Variants in VAPB observed in about 807,000 individuals in gnomAD.
The protein encoded by VAPB is vesicle-associated membrane protein-associated protein B/C.
In VAPB, 7 loss-of-function variants were observed where a neutral mutation model predicts 25.6. That is an observed-to-expected ratio of 0.27 (90% CI 0.16 to 0.51). VAPB has a LOEUF of 0.51. Ranked by LOEUF, VAPB falls within the 20% of genes least tolerant of loss-of-function variation. The pLI, the probability that VAPB is intolerant of heterozygous loss-of-function variation, is 0.97. For synonymous variants in VAPB, 112 were observed against 109.2 expected, an observed-to-expected ratio of 1.03 and a Z score of -0.16; for missense variants, 266 against 301.3, an observed-to-expected ratio of 0.88 and a Z score of 0.87.
At chr20:58,440,724 C>A (rs1173824910) in intron 4 of VAPB, 183 bp from the exon 5 acceptor site, 3 of 559,816 alleles carry the variant, frequency 5.4e-6, no homozygotes, top group African/African-American at 1.9e-5. Flanking sequence ...TTTCTAGGGC[C>A]CTGTTGCTTT....
chr20:58,406,295 A>C (rs1344438902), intron 1 of VAPB, among the ~76,000 whole-genome samples: 2 of 152,232 alleles, frequency 1.3e-5, no homozygotes, highest in African/African-American at 4.8e-5. Flanking sequence ...CCAAAAGAGA[A>C]GACGTTTGAG....
rs551260354 is a variant in VAPB at position 58,447,236 on chromosome 20, T to G, written c.*3001T>G. On this transcript the variant is annotated 3_prime_UTR_variant, in exon 6 of 6. Transcript: ENST00000475243. ...TGATTGAAGTTTTAAATTGGTAACT[T>G]AAGCTTCCTTGGCACGATACAAAAT... is the stretch of plus-strand genomic sequence containing the variant. The G allele has an allele frequency of 4.1e-4, 184 of 454,146 alleles. No individual in the cohort carries two copies. Among genetic ancestry groups the G allele is most frequent in the Non-Finnish European group, 7.4e-4 (168 of 226,784 alleles). 28.1% of individuals were successfully genotyped at this position (454,146 alleles called of 1,614,324 possible). A position where few individuals can be genotyped will look rare whatever the true frequency, so the allele number is the denominator to read the frequency against.
At chr20:58,427,940 T>A (rs960232577) in intron 2 of VAPB, among the ~76,000 whole-genome samples, 14 of 148,428 alleles carry the variant, frequency 9.4e-5, no homozygotes, top group Admixed American at 9.3e-4. Flanking sequence ...CTGTGATCTG[T>A]TACCATTATG....
intron 1 of VAPB, among the ~76,000 whole-genome samples, chr20:58,409,518 T>C (rs1988321493): frequency 6.6e-6 from 1 of 152,174 alleles, no homozygotes; most frequent in Non-Finnish European, 1.5e-5. Context: ...GACAGATTAT[T>C]ACCTTCCCAG....
intron 2 of VAPB, among the ~76,000 whole-genome samples, chr20:58,431,714 C>A (rs1339585558): frequency 6.6e-6 from 1 of 152,118 alleles, no homozygotes; most frequent in Non-Finnish European, 1.5e-5. Context: ...GTAGCTGGGA[C>A]TATAGGCTAC....
At position 58,432,050 on chromosome 20, in the gene VAPB, A is replaced by G. The variant is rs377371484; in HGVS notation, c.212-2552A>G. ...TTGGGGATGAAGAAGCTGAGGGATG[A>G]TGGAGAAATGGAAAGGAAGGACCTG... On this transcript the variant is annotated intron_variant, in intron 2 of 5. Transcript: ENST00000475243. Among the ~76,000 whole-genome samples, 8 of 152,190 alleles carry G rather than the reference A, an allele frequency of 5.3e-5. No individual in the cohort carries two copies. In the East Asian group the frequency reaches 1.4e-3, roughly 26 times the overall value.
chr20:58,429,286 G>A (rs1203671274), intron 2 of VAPB, among the ~76,000 whole-genome samples: 1 of 152,160 alleles, frequency 6.6e-6, no homozygotes, highest in Non-Finnish European at 1.5e-5. Context: ...ATTCACCAAT[G>A]CATGTAGGCA....
At chr20:58,418,107 G>GCCAA in intron 1 of VAPB, 104 bp from the exon 2 acceptor site, 1 of 1,485,774 alleles carries the variant, frequency 6.7e-7, no homozygotes, top group Non-Finnish European at 9.3e-7. Context: ...TGAGATAATC[G>GCCAA]TGGATCTCAA....
intron 2 of VAPB, among the ~76,000 whole-genome samples, chr20:58,419,841 A>G (rs1180464180): frequency 2.0e-5 from 3 of 152,178 alleles, no homozygotes; most frequent in African/African-American, 4.8e-5. Context: ...TTGTCAGTAG[A>G]TGAAAATTAC....
intron 2 of VAPB, among the ~76,000 whole-genome samples, chr20:58,429,140 C>CTT (rs11478890): frequency 6.4e-5 from 9 of 140,426 alleles, no homozygotes; most frequent in African/African-American, 5.2e-5. Flanking sequence ...GCTTGTTAGA[C>CTT]TTTTTTTTTT....
chr20:58,393,704 A>AG (rs1987869644), intron 1 of VAPB, among the ~76,000 whole-genome samples: 1 of 143,032 alleles, frequency 7.0e-6, no homozygotes. Context: ...CATCCTCACT[A>AG]GGTTAAGGTT....
intron 1 of VAPB, chr20:58,390,304 G>T (rs947435974): frequency 2.0e-5 from 3 of 152,030 alleles, no homozygotes; most frequent in African/African-American, 7.3e-5. Context: ...GCGATGGGAA[G>T]CCATGACCCT....
chr20:58,449,300 A>G lies in VAPB; in HGVS notation c.*5065A>G, dbSNP rs1205055558. 6.7e-6 allele frequency: 3 copies of G among 449,574 alleles called. No homozygotes were observed. The highest frequency in any genetic ancestry group is 7.0e-4 in the Middle Eastern group (1 of 1,420). 27.8% of individuals were successfully genotyped at this position (449,574 alleles called of 1,614,324 possible). A position where few individuals can be genotyped will look rare whatever the true frequency, so the allele number is the denominator to read the frequency against. On this transcript the variant is annotated 3_prime_UTR_variant, in exon 6 of 6. Transcript: ENST00000475243. ...TTTGGCTGTATCTACGGCACTTAAC[A>G]ATAGGGGCTTTTTATTTTCATTACA...
chr20:58,405,564 G>A (rs1050245597), intron 1 of VAPB, among the ~76,000 whole-genome samples: 2 of 151,352 alleles, frequency 1.3e-5, no homozygotes, highest in African/African-American at 2.4e-5. Context: ...CCGGGTTCAA[G>A]CAATTCTCTT....
Position 58,440,975 on chromosome 20 carries a change from G to A in VAPB, c.465G>A (p.Lys155=), listed in dbSNP as rs779988555. 1.5e-5 allele frequency: 24 copies of A among 1,614,088 alleles called. No homozygotes were observed. In the East Asian group the frequency reaches 4.0e-4, roughly 27 times the overall value. ...AGACAGAAACACCAATAGTGTCTAA[G>A]TCTCTGAGTTCTTCTTTGGATGACA... is the stretch of plus-strand genomic sequence containing the variant. ...ASKTETPIVS[K]SLSSSLDDTE... is the part of the protein sequence containing the mutation. The change falls in exon 5 of 6, where the codon AAG becomes AAA. Residue 155 remains lysine, a synonymous_variant. Coordinates refer to ENST00000475243, the MANE Select transcript of VAPB (RefSeq NM_004738.5).
rs765301373 is a variant in VAPB, at chr20:58,450,382, G to A, written c.*6147G>A. Reference sequence around the variant, plus strand: ...TGTTTGCTACTATATGAGGTGCTGCGAAATTAGTGGGCGTGGCTTTTTATA... The same window carrying A: ...TGTTTGCTACTATATGAGGTGCTGCAAAATTAGTGGGCGTGGCTTTTTATA... On this transcript the variant is annotated 3_prime_UTR_variant, in exon 6 of 6. Coordinates refer to ENST00000475243, the MANE Select transcript of VAPB (RefSeq NM_004738.5). The A allele has an allele frequency of 1.5e-4, 67 of 453,782 alleles. No individual in the cohort carries two copies. The highest frequency in any genetic ancestry group is 6.0e-4 in the African/African-American group (30 of 49,950). The allele number at this position is 453,782 out of a possible 1,614,324, so 28.1% of individuals were successfully genotyped here.
At position 58,399,020 on chromosome 20, in the gene VAPB, G is replaced by C. The variant is rs1988031412; in HGVS notation, c.58+9503G>C. Among the ~76,000 whole-genome samples, 3 of 152,176 alleles carry C rather than the reference G, an allele frequency of 2.0e-5. No homozygotes were observed. The South Asian group carries it at 6.2e-4, about 31-fold the overall frequency. ...ATGGGATAGAAAAATAAAGGAAAAG[G>C]CTGGGCACAGTGGCTCACACCTGTA... On this transcript the variant is annotated intron_variant, in intron 1 of 5. Coordinates refer to ENST00000475243, the MANE Select transcript of VAPB (RefSeq NM_004738.5).
chr20:58,450,002 A>G lies in VAPB; in HGVS notation c.*5767A>G. ...CAGATATCTTAACACAATTTCATCC[A>G]GGCTTAGTGCTAACAAGATTGCGGG... is the stretch of plus-strand genomic sequence containing the variant. On this transcript the variant is annotated 3_prime_UTR_variant, in exon 6 of 6. Coordinates refer to ENST00000475243, the MANE Select transcript of VAPB (RefSeq NM_004738.5). The G allele has an allele frequency of 2.2e-6, 1 of 454,056 alleles. No individual in the cohort carries two copies. Among genetic ancestry groups the G allele is most frequent in the Non-Finnish European group, 4.4e-6 (1 of 226,776 alleles). 28.1% of individuals were successfully genotyped at this position (454,056 alleles called of 1,614,324 possible).
At chr20:58,444,010 AGCTGTAC>A in intron 5 of VAPB, 60 bp from the exon 6 acceptor site, 1 of 1,610,428 alleles carries the variant, frequency 6.2e-7, no homozygotes, top group Non-Finnish European at 8.5e-7. Flanking sequence ...CATCCCGTTA[AGCTGTAC>A]AGTTGACTCC....
Sources: allele counts gnomAD v4.1 joint callset (sites outside exome capture counted in the v4.1 genomes callset), GRCh38; gene constraint gnomAD v4.1.1; transcripts MANE v1.5; gene names NCBI Gene and HGNC (gene_info 2026-07-23, HGNC 2026-07-21).